Variants in EZR observed in about 807,000 individuals in gnomAD.
The protein encoded by EZR is cytovillin 2.
In EZR, 40 loss-of-function variants were observed where a neutral mutation model predicts 74.8. The ratio of observed to expected loss-of-function variants is 0.53; its 90% CI spans 0.42 to 0.70. The LOEUF (loss-of-function observed/expected upper bound fraction) is 0.70, where lower values mean the gene tolerates loss of function less well. EZR is among the 30% of genes least tolerant of loss of function. The probability of loss-of-function intolerance (pLI) is 0.00; values close to 1 mark genes in which losing one functional copy is unlikely to be tolerated. For missense variants in EZR, 678 were observed against 755.8 expected, an observed-to-expected ratio of 0.90 and a Z score of 1.21; for synonymous variants, 341 against 283.3, an observed-to-expected ratio of 1.20 and a Z score of -2.05.
At chr6:158,787,274 G>T in intron 3 of EZR, 71 bp from the exon 4 acceptor site, 1 of 1,279,136 alleles carries the variant, frequency 7.8e-7, no homozygotes, top group Non-Finnish European at 1.1e-6. Context: ...TTTGGCTGTC[G>T]TTCATCACAT....
At position 158,805,270 on chromosome 6, in the gene EZR, C is replaced by T. The variant is rs575548223; in HGVS notation, c.12+12812G>A. 4.0e-4 allele frequency among the ~76,000 whole-genome samples: 56 copies of T among 141,602 alleles called. No individual in the cohort carries two copies. The South Asian group carries it at 0.01, about 26-fold the overall frequency. The allele number at this position is 141,602 out of a possible 152,430, so 92.9% of individuals were successfully genotyped here. ...AGGAGAATCGCTTGAACCAGGGAGT[C>T]GGAGGCTGCAGTGAGCCTACATGGC... On this transcript the variant is annotated intron_variant, in intron 2 of 13. Transcript: ENST00000367075.
At chr6:158,798,112 T>C (rs1777110707) in intron 2 of EZR, among the ~76,000 whole-genome samples, 1 of 152,210 alleles carries the variant, frequency 6.6e-6, no homozygotes, top group African/African-American at 2.4e-5. Flanking sequence ...TCCCATGACT[T>C]AGCATAATGT....
intron 7 of EZR, 69 bp from the exon 8 acceptor site, chr6:158,776,573 C>T (rs577563500): frequency 4.2e-5 from 46 of 1,101,528 alleles, no homozygotes; most frequent in African/African-American, 1.9e-4. Context: ...AAGAGAGATT[C>T]GCAAATCAAT....
At chr6:158,772,025 C>A (rs962186725) in intron 8 of EZR, among the ~76,000 whole-genome samples, 3 of 152,144 alleles carry the variant, frequency 2.0e-5, no homozygotes, top group Non-Finnish European at 4.4e-5. Flanking sequence ...GCCCAACCCA[C>A]ACAGAGACCT....
At chr6:158,803,400 C>T (rs1216546537) in intron 2 of EZR, among the ~76,000 whole-genome samples, 1 of 150,318 alleles carries the variant, frequency 6.7e-6, no homozygotes, top group Non-Finnish European at 1.5e-5. Flanking sequence ...TAATCAGCTA[C>T]CAAAATATCT....
At chr6:158,803,638 T>TAC (rs1562504728) in intron 2 of EZR, among the ~76,000 whole-genome samples, 1 of 30,790 alleles carries the variant, frequency 3.2e-5, no homozygotes, top group African/African-American at 1.2e-4. Context: ...TATACATACA[T>TAC]ATATATATAT....
chr6:158,806,096 A>C (rs756631347), intron 2 of EZR, among the ~76,000 whole-genome samples: 2 of 152,242 alleles, frequency 1.3e-5, no homozygotes, highest in Non-Finnish European at 2.9e-5. Flanking sequence ...AAATCGTTCT[A>C]TGTGTTTCCA....
rs1447827500 is a variant in EZR, at chr6:158,769,422, G to A, written c.1252-4C>T. ...TGTATTCTGCAAGCTCCGCAGCCTG[G>A]GAAGGGAATGCCAAGCTCACGTCAG... On this transcript the variant is annotated splice_region_variant and splice_polypyrimidine_tract_variant and intron_variant, in intron 11 of 13. Transcript: ENST00000367075. 1.7e-5 allele frequency: 27 copies of A among 1,604,208 alleles called. No homozygotes were observed. Among genetic ancestry groups the A allele is most frequent in the Non-Finnish European group, 2.3e-5 (27 of 1,179,836 alleles).
chr6:158,816,300 AAAGT>A (rs1487837974), intron 2 of EZR, among the ~76,000 whole-genome samples: 22 of 152,226 alleles, frequency 1.4e-4, no homozygotes, highest in East Asian at 3.8e-4. Context: ...TGTAAACCTA[AAAGT>A]AAGAGGATAA....
intron 10 of EZR, 110 bp from the exon 11 acceptor site, chr6:158,770,054 T>C (rs1262342589): frequency 2.1e-6 from 3 of 1,415,802 alleles, no homozygotes; most frequent in South Asian, 2.6e-5. Context: ...AAGTCACAGG[T>C]TGAGGGGATG....
intron 10 of EZR, 66 bp from the exon 11 acceptor site, chr6:158,770,010 C>T (rs2128565079): frequency 6.3e-7 from 1 of 1,579,376 alleles, no homozygotes; most frequent in East Asian, 2.2e-5. Flanking sequence ...CCTCGCTTTC[C>T]ATTCCCACCC....
intron 7 of EZR, among the ~76,000 whole-genome samples, chr6:158,779,999 A>G (rs1791387179): frequency 6.6e-6 from 1 of 152,108 alleles, no homozygotes; most frequent in Admixed American, 6.5e-5. Flanking sequence ...CCTGGCCAAC[A>G]CAGTGAAACC....
Position 158,767,330 on chromosome 6 carries a change from C to T in EZR, c.1527G>A (p.Arg509=). 8 of 1,614,212 alleles carry T rather than the reference C, an allele frequency of 5.0e-6. No homozygotes were observed. Among genetic ancestry groups the T allele is most frequent in the South Asian group, 1.1e-5 (1 of 91,086 alleles). The change falls in exon 13 of 14, where the codon CGG becomes CGA. Residue 509 remains arginine, a synonymous_variant. Transcript: ENST00000367075. ...YSAELSSEGI[R]DDRNEEKRIT... The stretch of plus-strand genomic sequence containing the variant: ...TGCGCTTCTCCTCATTGCGGTCATC[C>T]CGGATGCCCTCACTAGACAGCTCCG...
chr6:158,787,737 GA>G (rs1213774440), intron 3 of EZR, among the ~76,000 whole-genome samples: 1 of 152,242 alleles, frequency 6.6e-6, no homozygotes, highest in African/African-American at 2.4e-5. Context: ...GGAAAGGCAG[GA>G]AAACAGGCAA....
intron 2 of EZR, among the ~76,000 whole-genome samples, chr6:158,814,282 G>A (rs970319293): frequency 2.6e-5 from 4 of 152,012 alleles, no homozygotes; most frequent in African/African-American, 7.3e-5. Context: ...TGCCGCGTGC[G>A]CCCCCCAGCC....
At chr6:158,796,118 C>T (rs1583577284) in intron 2 of EZR, among the ~76,000 whole-genome samples, 3 of 152,288 alleles carry the variant, frequency 2.0e-5, no homozygotes, top group East Asian at 3.9e-4. Flanking sequence ...CCAATAAATA[C>T]TCTCTGACCA....
chr6:158,805,005 T>C (rs1777303437), intron 2 of EZR, among the ~76,000 whole-genome samples: 1 of 145,280 alleles, frequency 6.9e-6, no homozygotes, highest in South Asian at 2.2e-4. Flanking sequence ...TGAGTGAGAA[T>C]ATGCGGTGTT....
rs569427464 is a variant in EZR, at chr6:158,766,698, G to T, written c.*216C>A. On this transcript the variant is annotated 3_prime_UTR_variant, in exon 14 of 14. Transcript: ENST00000367075. ...CACAGGAGGTGATTCGAGAATAATC[G>T]CGAGAATCAGGCCTGCTTGGCACTA... 2 of 580,402 alleles carry T rather than the reference G, an allele frequency of 3.4e-6. No individual in the cohort carries two copies. The highest frequency in any genetic ancestry group is 6.1e-6 in the Non-Finnish European group (2 of 326,002). The allele number at this position is 580,402 out of a possible 1,614,324, so 36.0% of individuals were successfully genotyped here.
intron 2 of EZR, among the ~76,000 whole-genome samples, chr6:158,814,875 A>C (rs576272154): frequency 2.6e-5 from 4 of 152,314 alleles, no homozygotes; most frequent in Non-Finnish European, 1.5e-5. Flanking sequence ...TTTGGGAAAC[A>C]GTATTAGGAG....
Sources: allele counts gnomAD v4.1 joint callset (sites outside exome capture counted in the v4.1 genomes callset), GRCh38; gene constraint gnomAD v4.1.1; transcripts MANE v1.5; gene names NCBI Gene and HGNC (gene_info 2026-07-23, HGNC 2026-07-21).